Variants in NVL observed in about 807,000 individuals in gnomAD.
NVL encodes nuclear valosin-containing protein-like.
NVL carries 84 observed loss-of-function variants against 110.2 expected under a neutral mutation model. That is an observed-to-expected ratio of 0.76 (90% CI 0.64 to 0.91). The LOEUF is 0.91. Among genes scored for constraint, NVL ranks in the 40% least tolerant of loss-of-function variants. NVL has a pLI of 0.00. For synonymous variants in NVL, 354 were observed against 361.1 expected (o/e 0.98, Z 0.22); for missense variants, 882 against 1,035.9 (o/e 0.85, Z 2.04).
chr1:224,268,325 C>CCA (rs3831972), intron 17 of NVL, among the ~76,000 whole-genome samples, 192 bp from the exon 18 acceptor site: 21,943 of 152,056 alleles, frequency 0.14, 3,137 homozygotes, highest in African/African-American at 0.37. Flanking sequence ...CTATTATTAT[C>CCA]CAGTCTAAAT....
At chr1:224,274,590 T>G (rs1383862849) in intron 17 of NVL, among the ~76,000 whole-genome samples, 1 of 151,232 alleles carries the variant, frequency 6.6e-6, no homozygotes, top group African/African-American at 2.4e-5. Flanking sequence ...TGAGCCGAGA[T>G]GCACCATTGC....
At chr1:224,232,378 A>G (rs1659994703) in intron 21 of NVL, among the ~76,000 whole-genome samples, 1 of 151,918 alleles carries the variant, frequency 6.6e-6, no homozygotes, top group Non-Finnish European at 1.5e-5. Context: ...AAAAATAAAA[A>G]TAACAAAATA....
At chr1:224,319,440 T>TG (rs1439522860) in intron 2 of NVL, among the ~76,000 whole-genome samples, 1 of 151,994 alleles carries the variant, frequency 6.6e-6, no homozygotes, top group African/African-American at 2.4e-5. Flanking sequence ...CCTGAGTAGC[T>TG]GGGACTACAG....
At chr1:224,301,596 G>A in intron 9 of NVL, 1 of 223,554 alleles carries the variant, frequency 4.5e-6, no homozygotes, top group Non-Finnish European at 9.3e-6. Context: ...TTTGAGAGGA[G>A]TTTGAGACCA....
chr1:224,299,949 C>T (rs1219073077), intron 10 of NVL, among the ~76,000 whole-genome samples: 4 of 152,100 alleles, frequency 2.6e-5, no homozygotes, highest in African/African-American at 9.7e-5. Context: ...CTAATAATGA[C>T]ATAAACTTTT....
chr1:224,310,740 C>T (rs1411229711), intron 5 of NVL, among the ~76,000 whole-genome samples: 1 of 151,214 alleles, frequency 6.6e-6, no homozygotes, highest in Admixed American at 6.6e-5. Flanking sequence ...CTTCTCCTCT[C>T]TCTCTCTCTC....
At chr1:224,230,104 T>A (rs1225995958) in intron 22 of NVL, among the ~76,000 whole-genome samples, 1 of 152,198 alleles carries the variant, frequency 6.6e-6, no homozygotes, top group African/African-American at 2.4e-5. Flanking sequence ...GTAGCTGAGA[T>A]AACAGGCATA....
At chr1:224,307,711 A>G (rs1260969103) in intron 6 of NVL, among the ~76,000 whole-genome samples, 1 of 150,254 alleles carries the variant, frequency 6.7e-6, no homozygotes, top group Non-Finnish European at 1.5e-5. Context: ...AAAAAAAAAA[A>G]AAAAAAAAAA....
At chr1:224,245,276 C>T (rs1355361567) in intron 19 of NVL, among the ~76,000 whole-genome samples, 18 of 152,230 alleles carry the variant, frequency 1.2e-4, no homozygotes, top group Non-Finnish European at 5.9e-5. Context: ...TGCCTTGTGA[C>T]TTCTCCCCTC....
intron 15 of NVL, among the ~76,000 whole-genome samples, chr1:224,282,222 C>T (rs1255593098): frequency 1.3e-5 from 2 of 151,920 alleles, no homozygotes; most frequent in South Asian, 2.1e-4. Context: ...TATGCCACCA[C>T]GCTCAGCTAA....
At chr1:224,295,682 TA>T (rs942118942) in intron 11 of NVL, among the ~76,000 whole-genome samples, 127 of 139,102 alleles carry the variant, frequency 9.1e-4, no homozygotes, top group Admixed American at 1.2e-3. Context: ...AGACCGTCTT[TA>T]AAAAAAAAAA....
chr1:224,230,443 A>C (rs913504189), intron 22 of NVL, among the ~76,000 whole-genome samples: 1 of 152,102 alleles, frequency 6.6e-6, no homozygotes, highest in Non-Finnish European at 1.5e-5. Context: ...TCTCTACTAA[A>C]AATACAAAAA....
intron 18 of NVL, among the ~76,000 whole-genome samples, chr1:224,265,647 T>G (rs980226363): frequency 6.6e-6 from 1 of 152,264 alleles, no homozygotes. Flanking sequence ...GTTGGAAACT[T>G]AATCCCCAAT....
chr1:224,289,504 C>A lies in NVL; in HGVS notation c.1555G>T (p.Glu519Ter). The change falls in exon 13 of 23, where the codon GAG (glutamate) becomes TAG (stop). Residue 519 changes from glutamate (E) to a stop codon, truncating the protein, a stop_gained. Coordinates refer to ENST00000281701, the MANE Select transcript of NVL (RefSeq NM_002533.4). LOFTEE classifies it high-confidence loss of function. The part of the protein sequence containing the change: ...KGVQEERLGT[E>*]PTSETQDELQ... ...AGCACCTGTGTTTCAGAAGTGGGCT[C>A]AGTTCCCAGCCTTTCCTCCTGGACT... 6.2e-7 allele frequency: 1 copy of A among 1,614,206 alleles called. No homozygotes were observed. Among genetic ancestry groups the A allele is most frequent in the Non-Finnish European group, 8.5e-7 (1 of 1,180,022 alleles).
At position 224,281,236 on chromosome 1, in the gene NVL, TAAC is replaced by T. The variant is rs751662030; in HGVS notation, c.1900-54_1900-52del. 2.5e-5 allele frequency: 34 copies of T among 1,370,198 alleles called. 1 individual carries two copies. The highest frequency in any genetic ancestry group is 2.3e-4 in the South Asian group (20 of 85,984). 84.9% of individuals were successfully genotyped at this position (1,370,198 alleles called of 1,614,324 possible). ...AAATAAGACCAATACACAGTAATAATAACAATAATAATGATGATGATGTGTGAC... is the reference window on the plus strand; with the variant it reads ...AAATAAGACCAATACACAGTAATAATAATAATAATGATGATGATGTGTGAC... On this transcript the variant is annotated intron_variant, in intron 15 of 22. Transcript: ENST00000281701.
intron 20 of NVL, among the ~76,000 whole-genome samples, chr1:224,234,828 T>C (rs1309819330): frequency 6.6e-6 from 1 of 152,136 alleles, no homozygotes; most frequent in Non-Finnish European, 1.5e-5. Context: ...ATGTACACCA[T>C]TCAACTTTAG....
intron 20 of NVL, among the ~76,000 whole-genome samples, chr1:224,235,960 C>A (rs945208739): frequency 6.0e-4 from 89 of 149,086 alleles, no homozygotes; most frequent in Non-Finnish European, 9.1e-4. Flanking sequence ...AAAAAGAAAA[C>A]AAAAAGCCGG....
Position 224,243,130 on chromosome 1 carries a change from C to A in NVL, c.2290-6548G>T, listed in dbSNP as rs565011795. Among the ~76,000 whole-genome samples the A allele has an allele frequency of 5.9e-5, 9 of 151,920 alleles. No individual in the cohort carries two copies. The South Asian group carries it at 1.9e-3, about 32-fold the overall frequency. ...TTTTTATTTTAAAATCCAGCTTCTGCATGAAGCAATTTTTATTCACACAGT... is the reference window on the plus strand; with the variant it reads ...TTTTTATTTTAAAATCCAGCTTCTGAATGAAGCAATTTTTATTCACACAGT... On this transcript the variant is annotated intron_variant, in intron 19 of 22. Transcript: ENST00000281701.
intron 18 of NVL, among the ~76,000 whole-genome samples, chr1:224,262,724 T>A (rs1479897560): frequency 6.6e-6 from 1 of 152,076 alleles, no homozygotes; most frequent in African/African-American, 2.4e-5. Flanking sequence ...GTATAAAATA[T>A]GTGATGAACA....
Sources: allele counts gnomAD v4.1 joint callset (sites outside exome capture counted in the v4.1 genomes callset), GRCh38; gene constraint gnomAD v4.1.1; transcripts MANE v1.5; gene names NCBI Gene and HGNC (gene_info 2026-07-23, HGNC 2026-07-21).